The following ALLC variants were observed in gnomAD, a reference collection of about 807,000 sequenced individuals.
ALLC encodes probable inactive allantoicase.
In ALLC, 40 loss-of-function variants were observed where a neutral mutation model predicts 45.0. The observed-to-expected ratio is 0.89, with a 90% CI of 0.69 to 1.16. The LOEUF is 1.16. ALLC is among the 50% of genes most tolerant of loss of function. The probability of loss-of-function intolerance (pLI) is 0.00; values close to 1 mark genes in which losing one functional copy is unlikely to be tolerated. For synonymous variants in ALLC, 176 were observed against 178.1 expected (o/e 0.99, Z 0.09); for missense variants, 488 against 493.1 (o/e 0.99, Z 0.10).
chr2:3,684,882 A>C (rs975260990), intron 7 of ALLC, among the ~76,000 whole-genome samples: 1 of 152,204 alleles, frequency 6.6e-6, no homozygotes, highest in Non-Finnish European at 1.5e-5. Flanking sequence ...AATGAATAAT[A>C]ATCACATCAT....
rs1667327883 is a variant in ALLC at position 3,686,055 on chromosome 2, AGACC to A, written c.511+2982_511+2985del. Among the ~76,000 whole-genome samples the A allele has an allele frequency of 2.0e-5, 3 of 151,120 alleles. No homozygotes were observed. In the South Asian group the frequency reaches 6.3e-4, roughly 31 times the overall value. ...AGGTCTTACACACAAATATTTGCCA[AGACC>A]AATGTCCTAGAGCATTTCCCCAAGG... On this transcript the variant is annotated intron_variant, in intron 7 of 11. Coordinates refer to ENST00000252505, the MANE Select transcript of ALLC (RefSeq NM_018436.4).
chr2:3,673,350 C>T (rs563767087), intron 2 of ALLC, among the ~76,000 whole-genome samples: 1 of 152,222 alleles, frequency 6.6e-6, no homozygotes. Flanking sequence ...TGTCCACCTA[C>T]CTGCCATTTG....
chr2:3,677,425 A>T (rs1427532252), intron 3 of ALLC, among the ~76,000 whole-genome samples: 1 of 152,224 alleles, frequency 6.6e-6, no homozygotes, highest in Non-Finnish European at 1.5e-5. Context: ...TGTCTTTAAG[A>T]TGTGATTTGA....
At position 3,678,494 on chromosome 2, in the gene ALLC, T is replaced by C. The variant is rs922017484; in HGVS notation, c.111T>C (p.His37=). 8 of 1,613,996 alleles carry C rather than the reference T, an allele frequency of 5.0e-6. No individual in the cohort carries two copies. Among genetic ancestry groups the C allele is most frequent in the Non-Finnish European group, 6.8e-6 (8 of 1,179,876 alleles). Residue 37 remains histidine, a synonymous_variant, in exon 4 of 12, where the codon CAT becomes CAC. Coordinates refer to ENST00000252505, the MANE Select transcript of ALLC (RefSeq NM_018436.4). ...IKSDSPCFKE[H]EYTEFGKWMD... ...GTGACAGCCCGTGCTTCAAAGAGCA[T>C]GAATATACGGAGTTTGGGAAATGGA...
chr2:3,696,811 T>C (rs1180702679), intron 9 of ALLC, among the ~76,000 whole-genome samples: 1 of 152,130 alleles, frequency 6.6e-6, no homozygotes, highest in East Asian at 1.9e-4. Context: ...GAAACCAAGA[T>C]GAAGTGAAAC....
intron 1 of ALLC, among the ~76,000 whole-genome samples, chr2:3,663,942 A>G (rs150158025): frequency 7.4e-4 from 113 of 152,342 alleles, no homozygotes; most frequent in African/African-American, 2.6e-3. Context: ...TGTGGCTCAT[A>G]TGACTGAAGA....
At chr2:3,650,819 A>G in the ALLC span, among the ~76,000 whole-genome samples, 4 of 152,240 alleles carry the variant, frequency 2.6e-5, no homozygotes, top group Non-Finnish European at 4.4e-5. Context: ...TAGCAGGCAC[A>G]GTGAAGGCGC....
At chr2:3,691,651 T>G (rs72769391) in intron 7 of ALLC, among the ~76,000 whole-genome samples, 50,227 of 152,118 alleles carry the variant, frequency 0.33, 8,385 homozygotes, top group Middle Eastern at 0.41. Context: ...ACCAGGATAT[T>G]TATGTCTTTA....
chr2:3,702,240 T>C, intron 11 of ALLC, 123 bp from the exon 12 acceptor site: 1 of 752,794 alleles, frequency 1.3e-6, no homozygotes, highest in South Asian at 2.1e-5. Flanking sequence ...TATCATCAAT[T>C]AATAACTTAT....
chr2:3,679,835 T>C, intron 4 of ALLC, 34 bp from the exon 5 acceptor site: 1 of 1,612,006 alleles, frequency 6.2e-7, no homozygotes, highest in Non-Finnish European at 8.5e-7. Context: ...GTGTTGGCCC[T>C]AACGAGACTG....
chr2:3,664,838 C>A lies in ALLC; in HGVS notation c.-62-6258C>A, dbSNP rs146242716. Among the ~76,000 whole-genome samples the A allele has an allele frequency of 2.8e-3, 418 of 151,226 alleles. 2 individuals are homozygous for A. Among genetic ancestry groups the A allele is most frequent in the African/African-American group, 0.01 (412 of 41,128 alleles). On this transcript the variant is annotated intron_variant, in intron 1 of 11. Coordinates refer to ENST00000252505, the MANE Select transcript of ALLC (RefSeq NM_018436.4). ...GTTTGAGGCTGCAGTGAGCTATGAT[C>A]GTGCCACTGCATTCCAACCTGGGCA...
At chr2:3,655,833 G>A (rs1666425403), upstream of ALLC, among the ~76,000 whole-genome samples, 1 of 152,108 alleles carries the variant, frequency 6.6e-6, no homozygotes, top group African/African-American at 2.4e-5. Context: ...TCTTGCAGCT[G>A]GAGCCATAAG....
chr2:3,661,371 C>T (rs1666572805), intron 1 of ALLC, among the ~76,000 whole-genome samples: 1 of 152,204 alleles, frequency 6.6e-6, no homozygotes, highest in East Asian at 1.9e-4. Flanking sequence ...AGAAAAGCCT[C>T]AAGCAGGGGT....
chr2:3,670,194 A>T (rs1411968754), intron 1 of ALLC, among the ~76,000 whole-genome samples: 1 of 152,238 alleles, frequency 6.6e-6, no homozygotes, highest in Admixed American at 6.5e-5. Flanking sequence ...TGTCCGTTTC[A>T]TAGACAAAAT....
At position 3,702,553 on chromosome 2, in the gene ALLC, C is replaced by G; in HGVS notation, c.1166C>G (p.Ala389Gly). The G allele has an allele frequency of 1.3e-6, 2 of 1,588,258 alleles. No homozygotes were observed. The highest frequency in any genetic ancestry group is 1.1e-5 in the South Asian group (1 of 88,602). ...TTGAAGTTCTCGGTGAGCTTCAAAG[C>G]AAACCCTTAACACACACAAAGCCCC... ...PMLKFSVSFK[A>G]NP The change falls in exon 12 of 12, where the codon GCA becomes GGA. Residue 389 changes from alanine (A) to glycine (G), a missense_variant. Ala to Gly is a moderately conservative substitution (Grantham distance 60). Coordinates refer to ENST00000252505, the MANE Select transcript of ALLC (RefSeq NM_018436.4).
chr2:3,671,877 C>T (rs578190240), intron 2 of ALLC, among the ~76,000 whole-genome samples: 168 of 106,792 alleles, frequency 1.6e-3, no homozygotes, highest in Admixed American at 4.6e-3. Context: ...GGTCCTCTGG[C>T]TCTGGTTAGA....
At chr2:3,683,761 C>A (rs1047095414) in intron 7 of ALLC, among the ~76,000 whole-genome samples, 1 of 152,164 alleles carries the variant, frequency 6.6e-6, no homozygotes, top group Admixed American at 6.5e-5. Flanking sequence ...ATAGGTTGAG[C>A]ATCTCAAATC....
At chr2:3,686,859 A>C (rs1667345403) in intron 7 of ALLC, among the ~76,000 whole-genome samples, 1 of 151,004 alleles carries the variant, frequency 6.6e-6, no homozygotes, top group Admixed American at 6.6e-5. Context: ...AGGTTTTTCT[A>C]AGTATAAGAT....
At chr2:3,676,919 C>T (rs1667038613) in intron 3 of ALLC, among the ~76,000 whole-genome samples, 1 of 152,080 alleles carries the variant, frequency 6.6e-6, no homozygotes, top group Non-Finnish European at 1.5e-5. Flanking sequence ...TCCCAAGTAG[C>T]TGGGACTACA....
Sources: gnomAD v4.1 joint callset for allele counts (sites outside exome capture counted in the v4.1 genomes callset) on GRCh38, gnomAD v4.1.1 for gene constraint, MANE v1.5 for transcripts, NCBI Gene and HGNC (gene_info 2026-07-23, HGNC 2026-07-21) for gene names.